The following MAF variants were observed in gnomAD, a reference collection of about 807,000 sequenced individuals.
The protein encoded by MAF is transcription factor Maf.
In MAF, 10 loss-of-function variants were observed where a neutral mutation model predicts 22.0. The ratio of observed to expected loss-of-function variants is 0.45; its 90% CI spans 0.28 to 0.77. The LOEUF is 0.77. Ranked by LOEUF, MAF falls within the 30% of genes least tolerant of loss-of-function variation. The pLI is 0.12. For missense variants in MAF, 544 were observed against 548.4 expected, an observed-to-expected ratio of 0.99 and a Z score of 0.08; for synonymous variants, 337 against 255.8, an observed-to-expected ratio of 1.32 and a Z score of -3.03.
chr16:79,419,280 T>C, the MAF span, among the ~76,000 whole-genome samples: 1 of 152,118 alleles, frequency 6.6e-6, no homozygotes, highest in Non-Finnish European at 1.5e-5. Flanking sequence ...AGGAAGGAAA[T>C]GACAGAACTC....
At chr16:79,566,353 A>G in the MAF span, among the ~76,000 whole-genome samples, 1 of 152,160 alleles carries the variant, frequency 6.6e-6, no homozygotes, top group African/African-American at 2.4e-5. Context: ...GAATGGTCGG[A>G]GGGGCCTGGG....
At chr16:79,211,820 C>G in the MAF span, 10 of 1,613,442 alleles carry the variant, frequency 6.2e-6, no homozygotes, top group Non-Finnish European at 8.5e-6. Context: ...CGGATGGGCA[C>G]ACACACCCGC....
chr16:79,346,179 T>TC, the MAF span, among the ~76,000 whole-genome samples: 1 of 107,370 alleles, frequency 9.3e-6, no homozygotes, highest in Non-Finnish European at 1.9e-5. Flanking sequence ...TCCTCCCCGC[T>TC]CCCCCCACCC....
At chr16:79,325,863 G>A in the MAF span, among the ~76,000 whole-genome samples, 10 of 152,118 alleles carry the variant, frequency 6.6e-5, no homozygotes, top group South Asian at 2.1e-4. Context: ...TGATACAGAC[G>A]GCCCCAGTCT....
the MAF span, among the ~76,000 whole-genome samples, chr16:79,414,634 G>C: frequency 6.6e-6 from 1 of 152,298 alleles, no homozygotes; most frequent in East Asian, 1.9e-4. Context: ...ACACGGACTA[G>C]TGCTCAAGGA....
chr16:79,511,411 A>G, the MAF span, among the ~76,000 whole-genome samples: 1 of 152,250 alleles, frequency 6.6e-6, no homozygotes, highest in Admixed American at 6.5e-5. Flanking sequence ...AAATTTGAAT[A>G]GAAATACTAA....
chr16:79,566,457 A>C, the MAF span, among the ~76,000 whole-genome samples: 7 of 152,190 alleles, frequency 4.6e-5, no homozygotes, highest in African/African-American at 1.4e-4. Flanking sequence ...TGACGGAGTG[A>C]TGGTGCTTCT....
chr16:79,212,570 G>A, the MAF span: 554 of 163,924 alleles, frequency 3.4e-3, 5 homozygotes, highest in Admixed American at 0.025. Context: ...CCCTTTGTCT[G>A]TCAATCACAG....
the MAF span, among the ~76,000 whole-genome samples, chr16:79,237,115 G>T: frequency 6.6e-6 from 1 of 151,968 alleles, no homozygotes; most frequent in Non-Finnish European, 1.5e-5. Context: ...TGTTTTCAAA[G>T]ATTTCCAAAT....
the MAF span, among the ~76,000 whole-genome samples, chr16:79,401,189 C>T: frequency 1.3e-5 from 2 of 152,352 alleles, no homozygotes; most frequent in Admixed American, 6.5e-5. Context: ...ACTGCCTATT[C>T]TCCCGCGTGG....
chr16:79,541,022 T>C, the MAF span, among the ~76,000 whole-genome samples: 1 of 151,920 alleles, frequency 6.6e-6, no homozygotes, highest in South Asian at 2.1e-4. Context: ...TACATCACAC[T>C]ACTACGGTTA....
At chr16:79,225,038 A>G in the MAF span, among the ~76,000 whole-genome samples, 11 of 152,364 alleles carry the variant, frequency 7.2e-5, no homozygotes, top group East Asian at 7.7e-4. Context: ...GAACCAAAAA[A>G]GAGCCCACAT....
At chr16:79,340,717 C>T in the MAF span, among the ~76,000 whole-genome samples, 2 of 152,036 alleles carry the variant, frequency 1.3e-5, no homozygotes, top group African/African-American at 2.4e-5. Context: ...GAGCAGCATC[C>T]CTGGCCTTGA....
At chr16:79,241,837 C>G in the MAF span, among the ~76,000 whole-genome samples, 1 of 152,174 alleles carries the variant, frequency 6.6e-6, no homozygotes, top group South Asian at 2.1e-4. Context: ...AGACTAACAG[C>G]AAATCTCTCT....
the MAF span, among the ~76,000 whole-genome samples, chr16:79,225,489 G>A: frequency 0.41 from 62,383 of 152,020 alleles, 15,390 homozygotes; most frequent in Non-Finnish European, 0.57. Flanking sequence ...GACTAAAACA[G>A]CCAAAGCAAT....
At chr16:79,559,834 G>A in the MAF span, among the ~76,000 whole-genome samples, 1 of 152,286 alleles carries the variant, frequency 6.6e-6, no homozygotes, top group Non-Finnish European at 1.5e-5. Context: ...AAGCATGGAT[G>A]CTTGAAAGTT....
chr16:79,293,288 C>G, the MAF span, among the ~76,000 whole-genome samples: 32 of 151,986 alleles, frequency 2.1e-4, no homozygotes, highest in African/African-American at 6.8e-4. Flanking sequence ...ATAGGGGTGC[C>G]CAAAACAGAG....
At chr16:79,313,389 C>A in the MAF span, among the ~76,000 whole-genome samples, 2 of 152,254 alleles carry the variant, frequency 1.3e-5, no homozygotes, top group African/African-American at 2.4e-5. Context: ...AAAAACTAGA[C>A]CCTCTCAACA....
At chr16:79,303,290 T>C in the MAF span, among the ~76,000 whole-genome samples, 3 of 152,232 alleles carry the variant, frequency 2.0e-5, no homozygotes, top group African/African-American at 4.8e-5. Flanking sequence ...ATGATAGATA[T>C]GTTTTTAATA....
Sources: gnomAD v4.1 joint callset for allele counts (sites outside exome capture counted in the v4.1 genomes callset) on GRCh38, gnomAD v4.1.1 for gene constraint, MANE v1.5 for transcripts, NCBI Gene and HGNC (gene_info 2026-07-23, HGNC 2026-07-21) for gene names.